Variants in TADA2A observed in about 807,000 individuals in gnomAD.
TADA2A encodes transcriptional adapter 2-alpha.
In TADA2A, 38 loss-of-function variants were observed where a neutral mutation model predicts 67.4. That is an observed-to-expected ratio of 0.56 (90% CI 0.44 to 0.74). TADA2A has a LOEUF of 0.74. Among genes scored for constraint, TADA2A ranks in the 30% least tolerant of loss-of-function variants. The pLI, the probability that TADA2A is intolerant of heterozygous loss-of-function variation, is 0.00. For synonymous variants in TADA2A, 192 were observed against 181.6 expected (o/e 1.06, Z -0.46); for missense variants, 454 against 547.0 (o/e 0.83, Z 1.70).
chr17:37,428,115 A>C (rs1401989348), intron 4 of TADA2A, among the ~76,000 whole-genome samples: 1 of 152,212 alleles, frequency 6.6e-6, no homozygotes, highest in Non-Finnish European at 1.5e-5. Flanking sequence ...CAGGCTTGAC[A>C]GTTAAAATTT....
intron 15 of TADA2A, among the ~76,000 whole-genome samples, chr17:37,476,588 C>T (rs1237728289): frequency 2.0e-5 from 3 of 152,202 alleles, no homozygotes; most frequent in Non-Finnish European, 4.4e-5. Context: ...TCTAGTATCA[C>T]ACCCTGGCTT....
intron 8 of TADA2A, among the ~76,000 whole-genome samples, chr17:37,448,562 G>A (rs568974874): frequency 1.3e-5 from 2 of 152,140 alleles, no homozygotes; most frequent in Non-Finnish European, 2.9e-5. Context: ...CATGCTTAGT[G>A]TAGTTCCTTC....
chr17:37,477,502 T>G lies in TADA2A; in HGVS notation c.*520T>G, dbSNP rs112117387. 0.013 allele frequency: 1,944 copies of G among 151,804 alleles called. 14 individuals are homozygous for G. Among genetic ancestry groups the G allele is most frequent in the Non-Finnish European group, 0.022 (1,482 of 68,028 alleles). 9.4% of individuals were successfully genotyped at this position (151,804 alleles called of 1,614,324 possible). On this transcript the variant is annotated 3_prime_UTR_variant, in exon 16 of 16. Transcript: ENST00000615182. The stretch of plus-strand genomic sequence containing the variant: ...TTTTTTGAGACAGAGTTTGCTCTTG[T>G]CCTCCAGGCTGGAGTGTGATGGCAA...
intron 2 of TADA2A, among the ~76,000 whole-genome samples, chr17:37,413,689 G>A (rs1195136722): frequency 6.6e-6 from 1 of 151,968 alleles, no homozygotes; most frequent in Non-Finnish European, 1.5e-5. Context: ...TGGTATTATA[G>A]GCATAAGCCA....
rs139840857 is a variant in TADA2A at position 37,467,006 on chromosome 17, A to C, written c.824-448A>C. ...ACCCCATCTCTACTAAAAATACAAA[A>C]ATTAGCCGGGTGTGGTGGTAGATGC... On this transcript the variant is annotated intron_variant, in intron 11 of 15. Coordinates refer to ENST00000615182, the MANE Select transcript of TADA2A (RefSeq NM_001166105.3). Among the ~76,000 whole-genome samples, 886 of 152,110 alleles carry C rather than the reference A, an allele frequency of 5.8e-3. 5 individuals carry two copies. The highest frequency in any genetic ancestry group is 0.018 in the African/African-American group (766 of 41,486).
intron 8 of TADA2A, among the ~76,000 whole-genome samples, chr17:37,458,300 G>A (rs1294264230): frequency 1.3e-5 from 2 of 152,166 alleles, no homozygotes; most frequent in African/African-American, 4.8e-5. Flanking sequence ...TATAATCTGA[G>A]TAATGCCATA....
intron 4 of TADA2A, among the ~76,000 whole-genome samples, chr17:37,432,925 A>ATTTTTTTTTTTT (rs1046006991): frequency 1.9e-5 from 1 of 52,208 alleles, no homozygotes; most frequent in African/African-American, 7.4e-5. Flanking sequence ...TGGTATTACA[A>ATTTTTTTTTTTT]TTTTTTTTTT....
chr17:37,450,434 G>A (rs2053202074), intron 8 of TADA2A: 1 of 152,206 alleles, frequency 6.6e-6, no homozygotes, highest in African/African-American at 2.4e-5. Flanking sequence ...AGTGCCTTCT[G>A]TCAAGAAAAC....
chr17:37,433,450 G>A (rs914731292), intron 4 of TADA2A, among the ~76,000 whole-genome samples: 7 of 152,104 alleles, frequency 4.6e-5, no homozygotes, highest in South Asian at 2.1e-4. Context: ...TTGAGTCCAG[G>A]AGTTTGAGAC....
At chr17:37,414,720 CAT>C (rs2051987124) in intron 2 of TADA2A, among the ~76,000 whole-genome samples, 2 of 152,114 alleles carry the variant, frequency 1.3e-5, no homozygotes, top group African/African-American at 4.8e-5. Flanking sequence ...TCCTCATTCA[CAT>C]GTCTCTACTC....
At chr17:37,473,485 T>C (rs1276082823) in intron 14 of TADA2A, among the ~76,000 whole-genome samples, 2 of 152,238 alleles carry the variant, frequency 1.3e-5, no homozygotes, top group East Asian at 1.9e-4. Context: ...TAATCCCTTA[T>C]GCCTTTTGTT....
At chr17:37,434,207 GAT>G (rs141700568) in intron 4 of TADA2A, among the ~76,000 whole-genome samples, 19,228 of 152,146 alleles carry the variant, frequency 0.13, 1,411 homozygotes, top group East Asian at 0.25. Context: ...TCATAGGTTT[GAT>G]ATTTTATCAT....
intron 2 of TADA2A, among the ~76,000 whole-genome samples, chr17:37,422,546 G>A (rs1043751270): frequency 7.4e-5 from 11 of 148,802 alleles, no homozygotes; most frequent in East Asian, 2.0e-4. Flanking sequence ...TAGCTCTGTC[G>A]CCCAGGCTGG....
chr17:37,407,257 C>T (rs1283132148), intron 1 of TADA2A: 1 of 152,416 alleles, frequency 6.6e-6, no homozygotes, highest in Admixed American at 6.5e-5. Context: ...CGTAGCTCTA[C>T]CAAGAATGGC....
chr17:37,453,934 C>A (rs2053304261), intron 8 of TADA2A, among the ~76,000 whole-genome samples: 1 of 151,668 alleles, frequency 6.6e-6, no homozygotes, highest in Non-Finnish European at 1.5e-5. Flanking sequence ...CCACACCCAG[C>A]TAATTTTTTG....
At chr17:37,464,264 G>T (rs1004558468) in intron 10 of TADA2A, among the ~76,000 whole-genome samples, 2 of 152,146 alleles carry the variant, frequency 1.3e-5, no homozygotes, top group Non-Finnish European at 2.9e-5. Flanking sequence ...AAATTAAGTT[G>T]TAGTAGTTAA....
chr17:37,430,617 G>A (rs988237138), intron 4 of TADA2A, among the ~76,000 whole-genome samples: 1 of 152,124 alleles, frequency 6.6e-6, no homozygotes, highest in Non-Finnish European at 1.5e-5. Flanking sequence ...CATAAGAACT[G>A]CCTGGGAGCT....
Position 37,478,742 on chromosome 17 carries a change from T to G in TADA2A, c.*1760T>G, listed in dbSNP as rs1018008086. The stretch of plus-strand genomic sequence containing the variant: ...TTCCTTCTACATTCAAATATCTAAT[T>G]AAAATACTGTGTGCTTTGTTGGAAG... On this transcript the variant is annotated 3_prime_UTR_variant, in exon 16 of 16. Transcript: ENST00000615182. 1 of 152,204 alleles carries G rather than the reference T, an allele frequency of 6.6e-6. No homozygotes were observed. The highest frequency in any genetic ancestry group is 2.4e-5 in the African/African-American group (1 of 41,452). The allele number at this position is 152,204 out of a possible 1,614,324, so 9.4% of individuals were successfully genotyped here.
rs372076310 is a variant in TADA2A at position 37,437,843 on chromosome 17, G to A, written c.284+14G>A. ...CTTTGGAAATTGGTAAGAGCTTGGTGTTAAGAGTTGTCCTGCCCTAGTGGA... is the reference window on the plus strand; with the variant it reads ...CTTTGGAAATTGGTAAGAGCTTGGTATTAAGAGTTGTCCTGCCCTAGTGGA... On this transcript the variant is annotated intron_variant, in intron 5 of 15. Coordinates refer to ENST00000615182, the MANE Select transcript of TADA2A (RefSeq NM_001166105.3). 17 of 1,611,478 alleles carry A rather than the reference G, an allele frequency of 1.1e-5. No individual in the cohort carries two copies. In the African/African-American group the frequency reaches 2.3e-4, roughly 21 times the overall value.
Sources: allele counts gnomAD v4.1 joint callset (sites outside exome capture counted in the v4.1 genomes callset), GRCh38; gene constraint gnomAD v4.1.1; transcripts MANE v1.5; gene names NCBI Gene and HGNC (gene_info 2026-07-23, HGNC 2026-07-21).